NR1H4: variants seen among roughly 807,000 people sequenced by gnomAD.
NR1H4 encodes nuclear receptor subfamily 1 group H member 4, also known as bile acid receptor.
In NR1H4, 23 loss-of-function variants were observed where a neutral mutation model predicts 58.5. The ratio of observed to expected loss-of-function variants is 0.39; its 90% confidence interval spans 0.28 to 0.56. NR1H4 has a LOEUF of 0.56. Among genes scored for constraint, NR1H4 ranks in the 20% least tolerant of loss-of-function variants. The probability of loss-of-function intolerance (pLI) is 0.58; values close to 1 mark genes in which losing one functional copy is unlikely to be tolerated. For missense variants in NR1H4, 487 were observed against 576.9 expected (o/e 0.84, Z 1.60); for synonymous variants, 214 against 198.0 (o/e 1.08, Z -0.68).
intron 4 of NR1H4, among the ~76,000 whole-genome samples, chr12:100,522,259 A>G (rs1236697571): frequency 1.3e-5 from 2 of 152,062 alleles, no homozygotes; most frequent in African/African-American, 2.4e-5. Context: ...ATGTTGATAG[A>G]TAATCTATAT....
intron 9 of NR1H4, among the ~76,000 whole-genome samples, chr12:100,552,050 C>A (rs1955215263): frequency 6.6e-6 from 1 of 152,114 alleles, no homozygotes; most frequent in Admixed American, 6.5e-5. Flanking sequence ...GGATACAGAA[C>A]CCACAGAGAG....
In NR1H4 at chr12:100,532,605, A is replaced by T; in HGVS notation, c.593A>T (p.Tyr198Phe). The T allele has an allele frequency of 6.2e-7, 1 of 1,613,994 alleles. No individual in the cohort carries two copies. Among genetic ancestry groups the T allele is most frequent in the African/African-American group, 1.3e-5 (1 of 75,050 alleles). ...KEMGMLAECM[Y>F]TGLLTEIQCK... ...ATGGGAATGTTGGCTGAATGTATGT[A>T]TACAGGTATTCACTTCAAGCAATTA... The change falls in exon 5 of 11, where the codon TAT becomes TTT. Residue 198 changes from tyrosine to phenylalanine, a missense_variant. Physicochemically the swap from Tyr to Phe is conservative, Grantham distance 22 (BLOSUM62 3). Coordinates refer to ENST00000392986, the MANE Select transcript of NR1H4 (RefSeq NM_001206979.2).
intron 4 of NR1H4, among the ~76,000 whole-genome samples, chr12:100,520,522 G>C (rs908101605): frequency 6.6e-5 from 10 of 152,158 alleles, no homozygotes; most frequent in African/African-American, 2.4e-4. Flanking sequence ...GCTCCAGGAA[G>C]ACACCACCTC....
At chr12:100,560,636 C>T (rs998681856) in intron 9 of NR1H4, among the ~76,000 whole-genome samples, 5 of 152,174 alleles carry the variant, frequency 3.3e-5, no homozygotes, top group African/African-American at 9.7e-5. Context: ...AGCTGTAACA[C>T]CGCGAGGGTC....
chr12:100,516,185 T>C (rs984403235), intron 4 of NR1H4, among the ~76,000 whole-genome samples: 1 of 152,118 alleles, frequency 6.6e-6, no homozygotes, highest in Non-Finnish European at 1.5e-5. Context: ...CACAATTCAG[T>C]AGAATAAAAT....
At chr12:100,546,421 C>T (rs528295943) in intron 9 of NR1H4, among the ~76,000 whole-genome samples, 5 of 152,134 alleles carry the variant, frequency 3.3e-5, no homozygotes, top group South Asian at 2.1e-4. Context: ...CATTGCCGGG[C>T]GCGGTGGCTC....
At position 100,563,360 on chromosome 12, in the gene NR1H4, T is replaced by C. The variant is rs1297974026; in HGVS notation, c.1302T>C (p.Phe434=). The stretch of plus-strand genomic sequence containing the variant: ...ACCAGCCTGAAAATCCTCAACACTT[T>C]GCCTGTCTCCTGGGTCGCCTGACTG... ...KIHQPENPQH[F]ACLLGRLTEL... The change falls in exon 11 of 11, where the codon TTT becomes TTC. Residue 434 remains phenylalanine, a synonymous_variant. Coordinates refer to ENST00000392986, the MANE Select transcript of NR1H4 (RefSeq NM_001206979.2). 2 of 1,614,054 alleles carry C rather than the reference T, an allele frequency of 1.2e-6. No homozygotes were observed. The highest frequency in any genetic ancestry group is 1.7e-6 in the Non-Finnish European group (2 of 1,180,048).
At chr12:100,546,871 T>G (rs1228591894) in intron 9 of NR1H4, among the ~76,000 whole-genome samples, 1 of 152,144 alleles carries the variant, frequency 6.6e-6, no homozygotes, top group Non-Finnish European at 1.5e-5. Flanking sequence ...TCACCAGATA[T>G]CCTCAACTCT....
At chr12:100,499,907 A>G (rs1176853794) in intron 3 of NR1H4, 3 of 455,912 alleles carry the variant, frequency 6.6e-6, no homozygotes, top group Non-Finnish European at 1.3e-5. Context: ...TCTTGGACAA[A>G]TTCCTTAACT....
chr12:100,534,819 A>C, intron 5 of NR1H4, 71 bp from the exon 6 acceptor site: 1 of 1,557,004 alleles, frequency 6.4e-7, no homozygotes, highest in Non-Finnish European at 8.9e-7. Flanking sequence ...GGTACATATC[A>C]GTGGTTTTAT....
chr12:100,543,133 A>G (rs1470528238), intron 9 of NR1H4, among the ~76,000 whole-genome samples: 9 of 152,146 alleles, frequency 5.9e-5, no homozygotes, highest in Non-Finnish European at 1.2e-4. Flanking sequence ...AGAGAGAAGG[A>G]CCAGCAGGAG....
At chr12:100,544,774 A>G (rs1955020361) in intron 9 of NR1H4, among the ~76,000 whole-genome samples, 1 of 152,176 alleles carries the variant, frequency 6.6e-6, no homozygotes, top group African/African-American at 2.4e-5. Context: ...CCTGAATATC[A>G]GAGTTGTTAA....
chr12:100,548,370 T>TAA (rs11304340), intron 9 of NR1H4, among the ~76,000 whole-genome samples: 3 of 137,592 alleles, frequency 2.2e-5, no homozygotes, highest in Admixed American at 7.2e-5. Context: ...CCATCTCAAT[T>TAA]AAAAAAAAAA....
chr12:100,558,972 G>T (rs779569782), intron 9 of NR1H4, among the ~76,000 whole-genome samples: 1 of 152,118 alleles, frequency 6.6e-6, no homozygotes, highest in South Asian at 2.1e-4. Flanking sequence ...ATGAATTATG[G>T]TATATTAAAT....
intron 1 of NR1H4, among the ~76,000 whole-genome samples, chr12:100,489,258 C>T (rs899908118): frequency 1.3e-5 from 2 of 152,126 alleles, no homozygotes; most frequent in South Asian, 2.1e-4. Context: ...TCATAGTTTA[C>T]CTCTAACACT....
intron 1 of NR1H4, among the ~76,000 whole-genome samples, chr12:100,489,665 G>T (rs998814995): frequency 1.3e-5 from 2 of 152,100 alleles, no homozygotes; most frequent in African/African-American, 4.8e-5. Flanking sequence ...GTATTTGAAG[G>T]CCCTTTTATA....
rs747588125 is a variant in NR1H4 at position 100,563,324 on chromosome 12, G to A, written c.1266G>A (p.Leu422=). The A allele has an allele frequency of 6.2e-7, 1 of 1,614,154 alleles. No homozygotes were observed. Among genetic ancestry groups the A allele is most frequent in the Non-Finnish European group, 8.5e-7 (1 of 1,180,038 alleles). ...QEPLLDVLQK[L]CKIHQPENPQ... is the part of the protein sequence containing the mutation. The stretch of plus-strand genomic sequence containing the variant: ...CACTTCTTGATGTGCTACAAAAGTT[G>A]TGTAAGATTCACCAGCCTGAAAATC... The change falls in exon 11 of 11, where the codon TTG becomes TTA. Residue 422 remains leucine, a synonymous_variant. Transcript: ENST00000392986.
At chr12:100,530,470 A>G (rs1954665032) in intron 4 of NR1H4, among the ~76,000 whole-genome samples, 1 of 152,214 alleles carries the variant, frequency 6.6e-6, no homozygotes, top group African/African-American at 2.4e-5. Flanking sequence ...TAAAATAGGA[A>G]GGACTCCTCT....
Position 100,502,828 on chromosome 12 carries a change from G to A in NR1H4, c.80-7950G>A, listed in dbSNP as rs374857753. Among the ~76,000 whole-genome samples the A allele has an allele frequency of 1.2e-4, 19 of 152,282 alleles. No individual in the cohort carries two copies. In the East Asian group the frequency reaches 3.3e-3, roughly 26 times the overall value. On this transcript the variant is annotated intron_variant, in intron 3 of 10. Transcript: ENST00000392986. ...TGGTGGTAGGGAAGACAGAATGAGA[G>A]CCAAGCAAAAGGGGAAACCCCTTAT...
Sources: allele counts gnomAD v4.1 joint callset (sites outside exome capture counted in the v4.1 genomes callset), GRCh38; gene constraint gnomAD v4.1.1; transcripts MANE v1.5; gene names NCBI Gene and HGNC (gene_info 2026-07-23, HGNC 2026-07-21).